SPRED2: variants seen among roughly 807,000 people sequenced by gnomAD.
SPRED2 encodes the protein sprouty-related, EVH1 domain-containing protein 2.
In SPRED2, 47 loss-of-function variants were observed where a neutral mutation model predicts 43.0. The observed-to-expected ratio is 1.09, with a 90% CI of 0.87 to 1.40. The LOEUF is 1.40. Ranked by LOEUF, SPRED2 falls within the 40% of genes most tolerant of loss-of-function variation. The pLI is 0.00. For synonymous variants in SPRED2, 225 were observed against 225.7 expected (o/e 1.00, Z 0.03); for missense variants, 561 against 586.4 (o/e 0.96, Z 0.45).
At chr2:65,382,457 C>T (rs575662615) in intron 1 of SPRED2, among the ~76,000 whole-genome samples, 2 of 152,172 alleles carry the variant, frequency 1.3e-5, no homozygotes, top group Non-Finnish European at 2.9e-5. Flanking sequence ...GGGTAACCCC[C>T]CCTCAGCCAG....
intron 1 of SPRED2, among the ~76,000 whole-genome samples, chr2:65,414,907 T>C (rs188057010): frequency 1.1e-4 from 17 of 152,276 alleles, no homozygotes; most frequent in African/African-American, 3.8e-4. Context: ...GGATTCCATT[T>C]TTCAGGAGGG....
intron 1 of SPRED2, among the ~76,000 whole-genome samples, chr2:65,424,573 G>C (rs926435919): frequency 6.6e-6 from 1 of 151,998 alleles, no homozygotes; most frequent in African/African-American, 2.4e-5. Flanking sequence ...GCTCCAGTAA[G>C]CCATGATTGC....
At chr2:65,345,259 G>GTTGTTTTT (rs757675092) in intron 1 of SPRED2, among the ~76,000 whole-genome samples, 17 of 111,368 alleles carry the variant, frequency 1.5e-4, no homozygotes, top group African/African-American at 5.5e-4. Context: ...TTTAGTTGTT[G>GTTGTTTTT]TTTTTTTTTT....
chr2:65,380,280 A>C (rs1263393995), intron 1 of SPRED2, among the ~76,000 whole-genome samples: 1 of 152,172 alleles, frequency 6.6e-6, no homozygotes, highest in Non-Finnish European at 1.5e-5. Context: ...TTAATACCGT[A>C]GGTGTAAATA....
In SPRED2 at chr2:65,312,029, G is replaced by T; in HGVS notation, c.*1472C>A. ...GGCGTCCGCAAGCCTGTCCCCGGTG[G>T]TCTCCACGAGGTTCTGATTGTACTA... is the stretch of plus-strand genomic sequence containing the variant. On this transcript the variant is annotated 3_prime_UTR_variant, in exon 6 of 6. Coordinates refer to ENST00000356388, the MANE Select transcript of SPRED2 (RefSeq NM_181784.3). 1.0e-6 allele frequency: 1 copy of T among 985,436 alleles called. No homozygotes were observed. The highest frequency in any genetic ancestry group is 1.2e-6 in the Non-Finnish European group (1 of 829,942). The allele number at this position is 985,436 out of a possible 1,614,324, so 61.0% of individuals were successfully genotyped here.
downstream of SPRED2, among the ~76,000 whole-genome samples, chr2:65,310,135 T>G (rs114401026): frequency 8.7e-3 from 1,322 of 152,186 alleles, 11 homozygotes; most frequent in African/African-American, 0.03. Context: ...ACTTCCAACA[T>G]CTCTCCATGC....
intron 1 of SPRED2, among the ~76,000 whole-genome samples, chr2:65,348,763 A>G (rs1243647495): frequency 6.7e-6 from 1 of 150,014 alleles, no homozygotes; most frequent in African/African-American, 2.5e-5. Flanking sequence ...ACTGCACTCC[A>G]CCCTGGGCAA....
Position 65,344,838 on chromosome 2 carries a change from C to G in SPRED2, c.85G>C (p.Gly29Arg). 2 of 1,614,134 alleles carry G rather than the reference C, an allele frequency of 1.2e-6. No individual in the cohort carries two copies. The highest frequency in any genetic ancestry group is 1.7e-6 in the Non-Finnish European group (2 of 1,180,026). The change falls in exon 2 of 6, where the codon GGA (glycine) becomes CGA (arginine). Residue 29 changes from glycine (G) to arginine (R), a missense_variant. By Grantham distance (125) the Gly-to-Arg change is moderately radical. This residue lies in a region of SPRED2 where 305 missense variants were observed against 282.4 expected (regional missense o/e 1.08). Coordinates refer to ENST00000356388, the MANE Select transcript of SPRED2 (RefSeq NM_181784.3). Reference sequence around the variant, plus strand: ...CCGCCTCCTTCCTGTGGGAACCATCCCCCGCTGGAGTCATCTCTGGTCATA... The same window carrying G: ...CCGCCTCCTTCCTGTGGGAACCATCGCCCGCTGGAGTCATCTCTGGTCATA... ...VVMTRDDSSG[G>R]WFPQEGGGIS...
chr2:65,375,280 C>G (rs1001407904), intron 1 of SPRED2, among the ~76,000 whole-genome samples: 1 of 152,238 alleles, frequency 6.6e-6, no homozygotes, highest in Non-Finnish European at 1.5e-5. Context: ...ATTAACTCTT[C>G]CCAGCACTGG....
chr2:65,420,417 T>C (rs1676397273), intron 1 of SPRED2, among the ~76,000 whole-genome samples: 1 of 152,190 alleles, frequency 6.6e-6, no homozygotes, highest in African/African-American at 2.4e-5. Context: ...ATTCTTGACT[T>C]TCCCAGCAAA....
intron 4 of SPRED2, among the ~76,000 whole-genome samples, chr2:65,318,909 A>G (rs56182051): frequency 0.22 from 32,897 of 152,028 alleles, 3,665 homozygotes; most frequent in Non-Finnish European, 0.23. Context: ...TGGCCTCCCA[A>G]TATGCTGGGA....
At chr2:65,400,439 A>G (rs569411290) in intron 1 of SPRED2, among the ~76,000 whole-genome samples, 8 of 152,362 alleles carry the variant, frequency 5.3e-5, no homozygotes, top group African/African-American at 1.9e-4. Context: ...TTCTCTCAAT[A>G]GGATCAAAAG....
chr2:65,397,340 C>T (rs1675780235), intron 1 of SPRED2, among the ~76,000 whole-genome samples: 1 of 152,162 alleles, frequency 6.6e-6, no homozygotes, highest in Admixed American at 6.5e-5. Flanking sequence ...GCCCTCACCG[C>T]CCCCATCCTG....
chr2:65,366,636 G>T, intron 1 of SPRED2: 1 of 1,552,158 alleles, frequency 6.4e-7, no homozygotes, highest in South Asian at 1.2e-5. Flanking sequence ...CCGAGTGCTG[G>T]GTATTAGCAT....
At chr2:65,314,537 G>C (rs1673180745) in intron 5 of SPRED2, among the ~76,000 whole-genome samples, 1 of 152,208 alleles carries the variant, frequency 6.6e-6, no homozygotes, top group African/African-American at 2.4e-5. Flanking sequence ...AGGCAGAACA[G>C]GACCTGTGCC....
chr2:65,337,361 T>C (rs1673995547), intron 2 of SPRED2, among the ~76,000 whole-genome samples: 1 of 151,782 alleles, frequency 6.6e-6, no homozygotes, highest in Non-Finnish European at 1.5e-5. Context: ...CCCGTTTAAA[T>C]AAGATGCATA....
At chr2:65,349,308 C>CAAAAAAAAAAAAAAAAAAAA (rs59019958) in intron 1 of SPRED2, among the ~76,000 whole-genome samples, 1 of 83,698 alleles carries the variant, frequency 1.2e-5, no homozygotes, top group East Asian at 4.1e-4. Context: ...GACTCTGTCT[C>CAAAAAAAAAAAAAAAAAAAA]AAAAAAAAAA....
intron 1 of SPRED2, among the ~76,000 whole-genome samples, chr2:65,418,743 T>C (rs897322507): frequency 1.3e-5 from 2 of 151,894 alleles, no homozygotes; most frequent in Non-Finnish European, 2.9e-5. Context: ...TTAGTAGAGA[T>C]GGGATTTCAC....
chr2:65,316,998 C>T, intron 4 of SPRED2, 115 bp from the exon 5 acceptor site: 1 of 1,101,584 alleles, frequency 9.1e-7, no homozygotes, highest in Non-Finnish European at 1.3e-6. Context: ...TGGCAATTTG[C>T]TGCTCTTCCC....
Sources: gnomAD v4.1 joint callset for allele counts (sites outside exome capture counted in the v4.1 genomes callset) on GRCh38, gnomAD v4.1.1 for gene constraint, gnomAD v4.1.1 regional missense constraint, MANE v1.5 for transcripts, NCBI Gene and HGNC (gene_info 2026-07-23, HGNC 2026-07-21) for gene names.